SCN1B: variants seen among roughly 807,000 people sequenced by gnomAD.
The protein encoded by SCN1B is sodium voltage-gated channel beta subunit 1.
In SCN1B, 11 loss-of-function variants were observed where a neutral mutation model predicts 25.7. The ratio of observed to expected loss-of-function variants is 0.43; its 90% confidence interval spans 0.27 to 0.71. The LOEUF is 0.71. SCN1B is among the 30% of genes least tolerant of loss of function. SCN1B has a pLI of 0.21. For missense variants in SCN1B, 224 were observed against 291.5 expected, an observed-to-expected ratio of 0.77 and a Z score of 1.69; for synonymous variants, 119 against 117.5, an observed-to-expected ratio of 1.01 and a Z score of -0.08.
Position 35,039,780 on chromosome 19 carries a change from C to T in SCN1B, c.*6-17C>T, listed in dbSNP as rs2064274417. ...GTCCCCCAGGTCCCTAATTCCCCCT[C>T]TCTTGCTCCCCTTCAGGCCCTGGGC... is the stretch of plus-strand genomic sequence containing the variant. On this transcript the variant is annotated splice_polypyrimidine_tract_variant and intron_variant, in intron 5 of 5. Coordinates refer to ENST00000262631, the MANE Select transcript of SCN1B (RefSeq NM_001037.5). 2 of 1,460,222 alleles carry T rather than the reference C, an allele frequency of 1.4e-6. No homozygotes were observed. Among genetic ancestry groups the T allele is most frequent in the Non-Finnish European group, 1.9e-6 (2 of 1,050,248 alleles). 90.5% of individuals were successfully genotyped at this position (1,460,222 alleles called of 1,614,324 possible). A position where few individuals can be genotyped will look rare whatever the true frequency, so the allele number is the denominator to read the frequency against.
At chr19:35,037,165 G>C (rs1228654194) in intron 3 of SCN1B, 2 of 152,188 alleles carry the variant, frequency 1.3e-5, no homozygotes, top group African/African-American at 4.8e-5. Context: ...TTCCATAGGT[G>C]GAGGCGACGG....
Position 35,033,908 on chromosome 19 carries a change from G to A in SCN1B, c.448+169G>A, listed in dbSNP as rs1168356875. ...AGCCCCTCCTGCCCACTCCAGCTCT[G>A]GCCTCTGTTTCTCTCCAGCCCACGG... On this transcript the variant is annotated intron_variant, in intron 3 of 5. Transcript: ENST00000262631. 2.5e-6 allele frequency: 4 copies of A among 1,580,604 alleles called. No homozygotes were observed. In the Admixed American group the frequency reaches 7.5e-5, roughly 29 times the overall value.
rs1375509666 is a variant in SCN1B at position 35,032,444 on chromosome 19, G to A, written c.41-84G>A. 2 of 1,516,512 alleles carry A rather than the reference G, an allele frequency of 1.3e-6. No individual in the cohort carries two copies. Among genetic ancestry groups the A allele is most frequent in the African/African-American group, 2.7e-5 (2 of 73,138 alleles). 93.9% of individuals were successfully genotyped at this position (1,516,512 alleles called of 1,614,324 possible). A position where few individuals can be genotyped will look rare whatever the true frequency, so the allele number is the denominator to read the frequency against. ...GTCCTGTCTGCTGGTAATCATTGAG[G>A]GGGGAACAGATGGTTTGTGAGGGGT... On this transcript the variant is annotated intron_variant, in intron 1 of 5. Coordinates refer to ENST00000262631, the MANE Select transcript of SCN1B (RefSeq NM_001037.5). This position sits in a 1 kb window ranked among gnomAD's most constrained non-coding sequence, Gnocchi z 4.3.
chr19:35,032,403 C>T lies in SCN1B; in HGVS notation c.41-125C>T. Reference sequence around the variant, plus strand: ...TGAGGTCACGCAGTGAGTGACAGGGCTCAGCCTAGCATCCAGTCCTGTCTG... The same window carrying T: ...TGAGGTCACGCAGTGAGTGACAGGGTTCAGCCTAGCATCCAGTCCTGTCTG... On this transcript the variant is annotated intron_variant, in intron 1 of 5. Transcript: ENST00000262631. The surrounding 1 kb of genome is among the most constrained non-coding windows in gnomAD (Gnocchi z 4.3). 8.9e-7 allele frequency: 1 copy of T among 1,118,604 alleles called. No individual in the cohort carries two copies. The highest frequency in any genetic ancestry group is 1.3e-6 in the Non-Finnish European group (1 of 759,648). 69.3% of individuals were successfully genotyped at this position (1,118,604 alleles called of 1,614,324 possible).
chr19:35,038,997 G>A, intron 3 of SCN1B, 120 bp from the exon 4 acceptor site: 1 of 1,171,988 alleles, frequency 8.5e-7, no homozygotes, highest in Non-Finnish European at 1.3e-6. Context: ...AATAATCACA[G>A]TGCATACACC....
chr19:35,039,274 G>A lies in SCN1B; in HGVS notation c.590+16G>A, dbSNP rs201053958. Reference sequence around the variant, plus strand: ...AGGAGAATGCGTGAGTAGGGTGGCTGGGAGGTGGGAGGGCACCCAGGGCAC... The same window carrying A: ...AGGAGAATGCGTGAGTAGGGTGGCTAGGAGGTGGGAGGGCACCCAGGGCAC... On this transcript the variant is annotated intron_variant, in intron 4 of 5. Transcript: ENST00000262631. 2.4e-4 allele frequency: 394 copies of A among 1,610,524 alleles called. No individual in the cohort carries two copies. The East Asian group carries it at 7.2e-3, about 29-fold the overall frequency.
In SCN1B at chr19:35,032,710, G is replaced by C. The variant is rs1159911277; in HGVS notation, c.207+16G>C. The C allele has an allele frequency of 6.2e-7, 1 of 1,613,008 alleles. No homozygotes were observed. Among genetic ancestry groups the C allele is most frequent in the East Asian group, 2.2e-5 (1 of 44,888 alleles). On this transcript the variant is annotated intron_variant, in intron 2 of 5. Transcript: ENST00000262631. This position sits in a 1 kb window ranked among gnomAD's most constrained non-coding sequence, Gnocchi z 4.3. ...GTTTGTCAAGGTGTGCGGGTGCCGGGAACGGGCATGGGAGGGCAGGGGTCC... is the reference window on the plus strand; with the variant it reads ...GTTTGTCAAGGTGTGCGGGTGCCGGCAACGGGCATGGGAGGGCAGGGGTCC...
In SCN1B at chr19:35,040,324, C is replaced by A; in HGVS notation, c.*533C>A. The stretch of plus-strand genomic sequence containing the variant: ...GGGTCCCCCCTCCCTGTAATGCACT[C>A]CTGCCCCGGCCCAACCTCGCCCTCT... On this transcript the variant is annotated 3_prime_UTR_variant, in exon 6 of 6. Transcript: ENST00000262631. The A allele has an allele frequency of 6.1e-6, 1 of 163,360 alleles. No individual in the cohort carries two copies. 10.1% of individuals were successfully genotyped at this position (163,360 alleles called of 1,614,324 possible).
chr19:35,030,536 C>T lies in SCN1B; in HGVS notation c.-285C>T, dbSNP rs2064205988. 6.6e-6 allele frequency: 1 copy of T among 152,330 alleles called. No homozygotes were observed. The highest frequency in any genetic ancestry group is 6.7e-5 in the Admixed American group (1 of 15,016). The allele number at this position is 152,330 out of a possible 1,614,324, so 9.4% of individuals were successfully genotyped here. On this transcript the variant is annotated 5_prime_UTR_variant, in exon 1 of 6. Transcript: ENST00000262631. ...CCGGAGCGGGACCGGGGTCGGTGCA[C>T]CTAGCGGATGTGCCCGGCTGCGCGC... is the stretch of plus-strand genomic sequence containing the variant.
chr19:35,032,312 G>A lies in SCN1B; in HGVS notation c.41-216G>A, dbSNP rs546008330. ...TATGAAAATGGGCCCAGCCATTGCTGGAAGCAAAGGACCATTTCTTTCAAC... is the reference window on the plus strand; with the variant it reads ...TATGAAAATGGGCCCAGCCATTGCTAGAAGCAAAGGACCATTTCTTTCAAC... On this transcript the variant is annotated intron_variant, in intron 1 of 5. Coordinates refer to ENST00000262631, the MANE Select transcript of SCN1B (RefSeq NM_001037.5). The surrounding 1 kb of genome is among the most constrained non-coding windows in gnomAD (Gnocchi z 4.3). Among the ~76,000 whole-genome samples the A allele has an allele frequency of 6.6e-6, 1 of 152,356 alleles. No homozygotes were observed. The highest frequency in any genetic ancestry group is 2.1e-4 in the South Asian group (1 of 4,832).
intron 3 of SCN1B, chr19:35,036,190 A>G (rs1293403018): frequency 1.3e-5 from 2 of 151,912 alleles, no homozygotes; most frequent in Non-Finnish European, 2.9e-5. Flanking sequence ...ATTATAATCC[A>G]TCATACTAGC....
At chr19:35,030,989 G>A (rs1014266090) in intron 1 of SCN1B, 129 bp downstream of exon 1, 2 of 183,494 alleles carry the variant, frequency 1.1e-5, no homozygotes, top group African/African-American at 4.8e-5. Flanking sequence ...GCCCCGCCAA[G>A]TCAGCTTCAG....
intron 3 of SCN1B, chr19:35,037,783 C>CA (rs1171116568): frequency 0.079 from 7,790 of 98,780 alleles, 720 homozygotes; most frequent in African/African-American, 0.25. Context: ...TCATCTCTAC[C>CA]AAAAAAAAAA....
chr19:35,034,875 T>C (rs2064238472), intron 3 of SCN1B: 1 of 152,250 alleles, frequency 6.6e-6, no homozygotes, highest in Non-Finnish European at 1.5e-5. Context: ...GTGTTTCTGT[T>C]CTTGGCATGA....
chr19:35,033,726 G>A lies in SCN1B; in HGVS notation c.435G>A (p.Glu145=). The change falls in exon 3 of 6, where the codon GAG becomes GAA. Residue 145 remains glutamate (E), a synonymous_variant. Coordinates refer to ENST00000262631, the MANE Select transcript of SCN1B (RefSeq NM_001037.5). Reference sequence around the variant, plus strand: ...GCGTCGTCAAGAAGATCCACATTGAGGTAGTGGACAAAGGTGAGTCGGGTG... The same window carrying A: ...GCGTCGTCAAGAAGATCCACATTGAAGTAGTGGACAAAGGTGAGTCGGGTG... ...NTSVVKKIHI[E]VVDKANRDMA... 1 of 1,614,154 alleles carries A rather than the reference G, an allele frequency of 6.2e-7. No homozygotes were observed. The highest frequency in any genetic ancestry group is 8.5e-7 in the Non-Finnish European group (1 of 1,180,026).
intron 4 of SCN1B, 177 bp downstream of exon 4, chr19:35,039,435 C>A: frequency 3.0e-6 from 3 of 1,005,116 alleles, no homozygotes; most frequent in Non-Finnish European, 1.5e-6. Context: ...TCAGACCCAG[C>A]CCCTTCCTCC....
chr19:35,038,836 G>T (rs531685480), intron 3 of SCN1B: 7 of 487,464 alleles, frequency 1.4e-5, no homozygotes, highest in African/African-American at 9.7e-5. Context: ...CAGTGGCAGA[G>T]CCAGCCTTTG....
chr19:35,036,134 C>T (rs1387445688), intron 3 of SCN1B: 1 of 151,672 alleles, frequency 6.6e-6, no homozygotes, highest in African/African-American at 2.4e-5. Context: ...GCCGTAAGTG[C>T]CGAGATTACA....
chr19:35,037,473 G>A (rs141574988), intron 3 of SCN1B: 2,018 of 152,330 alleles, frequency 0.013, 35 homozygotes, highest in African/African-American at 0.046. Context: ...CAAGAATTCC[G>A]ATGACGGGGC....
Sources: gnomAD v4.1 joint callset for allele counts (sites outside exome capture counted in the v4.1 genomes callset) on GRCh38, gnomAD v4.1.1 for gene constraint, Gnocchi (gnomAD v3.1) non-coding constraint, MANE v1.5 for transcripts, NCBI Gene and HGNC (gene_info 2026-07-23, HGNC 2026-07-21) for gene names.